The following CASS4 variants were observed in gnomAD, a reference collection of about 807,000 sequenced individuals.
The protein encoded by CASS4 is cas scaffolding protein family member 4.
Under a neutral mutation model 54.2 loss-of-function variants are expected in CASS4, and 22 were observed. The observed-to-expected ratio is 0.41, with a 90% CI of 0.29 to 0.58. The LOEUF is 0.58. Ranked by LOEUF, CASS4 falls within the 20% of genes least tolerant of loss-of-function variation. The pLI is 0.36. For missense variants in CASS4, 854 were observed against 986.7 expected (o/e 0.87, Z 1.80); for synonymous variants, 409 against 391.5 (o/e 1.04, Z -0.53).
At chr20:56,431,729 T>C (rs1374293906) in intron 1 of CASS4, among the ~76,000 whole-genome samples, 1 of 152,228 alleles carries the variant, frequency 6.6e-6, no homozygotes, top group Non-Finnish European at 1.5e-5. Context: ...TCTGGACCCT[T>C]CAGGGCAGCT....
At position 56,459,513 on chromosome 20, in the gene CASS4, G is replaced by A; in HGVS notation, c.*766G>A. 3 of 252,468 alleles carry A rather than the reference G, an allele frequency of 1.2e-5. No individual in the cohort carries two copies. Among genetic ancestry groups the A allele is most frequent in the Non-Finnish European group, 2.6e-5 (3 of 116,112 alleles). The allele number at this position is 252,468 out of a possible 1,614,324, so 15.6% of individuals were successfully genotyped here. ...ACCAGTTTTCATCTGAATCCACTGG[G>A]GAGTGGGGCGATTTTGTTTTAATTT... On this transcript the variant is annotated 3_prime_UTR_variant, in exon 6 of 6. Transcript: ENST00000679887.
intron 1 of CASS4, among the ~76,000 whole-genome samples, chr20:56,422,614 A>G (rs1979463360): frequency 6.6e-6 from 1 of 151,986 alleles, no homozygotes; most frequent in Non-Finnish European, 1.5e-5. Flanking sequence ...TTTTCTGGCC[A>G]CAACCTCCTC....
At chr20:56,429,152 C>T (rs1285112943) in intron 1 of CASS4, among the ~76,000 whole-genome samples, 2 of 152,330 alleles carry the variant, frequency 1.3e-5, no homozygotes, top group Non-Finnish European at 2.9e-5. Context: ...CTGCTTCTCT[C>T]CCGGCTCATC....
At chr20:56,445,586 C>A (rs767829746) in intron 2 of CASS4, among the ~76,000 whole-genome samples, 1 of 152,226 alleles carries the variant, frequency 6.6e-6, no homozygotes, top group Non-Finnish European at 1.5e-5. Context: ...TCCCGGCCCC[C>A]CTCGACACCC....
At chr20:56,429,707 C>G (rs1352296475) in intron 1 of CASS4, among the ~76,000 whole-genome samples, 1 of 152,086 alleles carries the variant, frequency 6.6e-6, no homozygotes, top group Non-Finnish European at 1.5e-5. Flanking sequence ...CTTTATCTGA[C>G]TAACACTTTA....
rs61482907 is a variant in CASS4, at chr20:56,414,309, C to T, written c.36+1815C>T. Among the ~76,000 whole-genome samples, 24,716 of 152,136 alleles carry T rather than the reference C, an allele frequency of 0.16. 2,923 individuals are homozygous for T. The highest frequency in any genetic ancestry group is 0.33 in the African/African-American group (13,846 of 41,448). On this transcript the variant is annotated intron_variant, in intron 1 of 5. Coordinates refer to ENST00000679887, the MANE Select transcript of CASS4 (RefSeq NM_020356.4). The surrounding 1 kb of genome is among the most constrained non-coding windows in gnomAD (Gnocchi z 4.1). ...GTTCTTAATCTAGAACAATCTACTA[C>T]CTTTTTCTCTTTCATAACATTGACC...
intron 2 of CASS4, among the ~76,000 whole-genome samples, chr20:56,442,787 C>A (rs1224554478): frequency 1.3e-5 from 2 of 151,798 alleles, no homozygotes; most frequent in African/African-American, 2.4e-5. Flanking sequence ...TCCACTAGTT[C>A]CTGAACTGGA....
At chr20:56,429,534 C>G (rs905472230) in intron 1 of CASS4, among the ~76,000 whole-genome samples, 1 of 152,122 alleles carries the variant, frequency 6.6e-6, no homozygotes, top group South Asian at 2.1e-4. Flanking sequence ...AATTAGGAGC[C>G]AGGGCCTTTG....
rs1979041240 is a variant in CASS4 at position 56,414,578 on chromosome 20, C to T, written c.36+2084C>T. Among the ~76,000 whole-genome samples the T allele has an allele frequency of 6.6e-6, 1 of 152,080 alleles. No individual in the cohort carries two copies. The highest frequency in any genetic ancestry group is 2.1e-4 in the South Asian group (1 of 4,816). ...AGGTGCACACCACCGAGCCCCACTG[C>T]AATTTGTAAATAACATGCATGTTTG... On this transcript the variant is annotated intron_variant, in intron 1 of 5. Coordinates refer to ENST00000679887, the MANE Select transcript of CASS4 (RefSeq NM_020356.4). This position sits in a 1 kb window ranked among gnomAD's most constrained non-coding sequence, Gnocchi z 4.1.
intron 1 of CASS4, among the ~76,000 whole-genome samples, chr20:56,436,627 C>T (rs1322342378): frequency 1.3e-5 from 2 of 152,072 alleles, no homozygotes; most frequent in African/African-American, 4.8e-5. Context: ...CTGCACTGAA[C>T]TACATAACTA....
Position 56,449,897 on chromosome 20 carries a change from A to G in CASS4, c.562-702A>G, listed in dbSNP as rs540348702. Among the ~76,000 whole-genome samples the G allele has an allele frequency of 2.2e-3, 330 of 152,282 alleles. 4 individuals carry two copies. Among genetic ancestry groups the G allele is most frequent in the African/African-American group, 7.8e-3 (323 of 41,572 alleles). On this transcript the variant is annotated intron_variant, in intron 3 of 5. Coordinates refer to ENST00000679887, the MANE Select transcript of CASS4 (RefSeq NM_020356.4). Reference sequence around the variant, plus strand: ...AAAATTTCTACTGAGAAAAAGAAAGAAGACATATTAGGTCTCAGTCTCATT... The same window carrying G: ...AAAATTTCTACTGAGAAAAAGAAAGGAGACATATTAGGTCTCAGTCTCATT...
chr20:56,421,278 T>C (rs1168401985), intron 1 of CASS4, among the ~76,000 whole-genome samples: 1 of 152,252 alleles, frequency 6.6e-6, no homozygotes. Flanking sequence ...TGTAATTTCA[T>C]GGGTAACATC....
intron 3 of CASS4, among the ~76,000 whole-genome samples, chr20:56,449,244 T>C (rs1243857396): frequency 6.6e-6 from 1 of 152,054 alleles, no homozygotes; most frequent in Non-Finnish European, 1.5e-5. Flanking sequence ...ATTAAGAAAA[T>C]GTGGCACATA....
At chr20:56,435,853 C>T (rs924991162) in intron 1 of CASS4, among the ~76,000 whole-genome samples, 1 of 152,108 alleles carries the variant, frequency 6.6e-6, no homozygotes, top group Admixed American at 6.6e-5. Flanking sequence ...AGGGTTCAAG[C>T]GACTTTCCTG....
intron 1 of CASS4, among the ~76,000 whole-genome samples, chr20:56,425,036 A>G (rs950292006): frequency 1.3e-5 from 2 of 152,220 alleles, no homozygotes; most frequent in Non-Finnish European, 2.9e-5. Context: ...ACATGCAGCT[A>G]CTGTGTCCTG....
At position 56,414,814 on chromosome 20, in the gene CASS4, G is replaced by A. The variant is rs1409420808; in HGVS notation, c.36+2320G>A. Among the ~76,000 whole-genome samples the A allele has an allele frequency of 6.6e-6, 1 of 152,064 alleles. No individual in the cohort carries two copies. Among genetic ancestry groups the A allele is most frequent in the Non-Finnish European group, 1.5e-5 (1 of 68,016 alleles). On this transcript the variant is annotated intron_variant, in intron 1 of 5. Transcript: ENST00000679887. The surrounding 1 kb of genome is among the most constrained non-coding windows in gnomAD (Gnocchi z 4.1). ...ACAAAAAAATTAGCTGGGCATAGTGGTGCACGTCTGTATTCCCAGCTACTC... is the reference window on the plus strand; with the variant it reads ...ACAAAAAAATTAGCTGGGCATAGTGATGCACGTCTGTATTCCCAGCTACTC...
In CASS4 at chr20:56,458,645, T is replaced by C; in HGVS notation, c.2259T>C (p.Asn753=). Residue 753 remains asparagine, a synonymous_variant, in exon 6 of 6, where the codon AAT becomes AAC. Coordinates refer to ENST00000679887, the MANE Select transcript of CASS4 (RefSeq NM_020356.4). ...LLKDVALATK[N]AVLTYPSPAA... is the part of the protein sequence containing the mutation. The stretch of plus-strand genomic sequence containing the variant: ...AGGACGTAGCGCTGGCCACTAAGAA[T>C]GCCGTGCTCACGTACCCCAGCCCTG... 6.2e-7 allele frequency: 1 copy of C among 1,613,690 alleles called. No homozygotes were observed.
At chr20:56,451,660 G>A (rs1245766120) in intron 4 of CASS4, among the ~76,000 whole-genome samples, 159 bp from the exon 5 acceptor site, 2 of 152,152 alleles carry the variant, frequency 1.3e-5, no homozygotes, top group South Asian at 2.1e-4. Flanking sequence ...GGTGGAAGTC[G>A]AAAGAAATGA....
At chr20:56,456,779 A>G (rs534447718) in intron 5 of CASS4, among the ~76,000 whole-genome samples, 3 of 151,134 alleles carry the variant, frequency 2.0e-5, no homozygotes, top group African/African-American at 7.3e-5. Context: ...CCCAGGTTCA[A>G]TCGATTCTCC....
Sources: allele counts gnomAD v4.1 joint callset (sites outside exome capture counted in the v4.1 genomes callset), GRCh38; gene constraint gnomAD v4.1.1; non-coding constraint Gnocchi (gnomAD v3.1); transcripts MANE v1.5; gene names NCBI Gene and HGNC (gene_info 2026-07-23, HGNC 2026-07-21).